LRBA: variants seen among roughly 807,000 people sequenced by gnomAD.
LRBA encodes the protein LPS responsive beige-like anchor protein, also known as lipopolysaccharide-responsive and beige-like anchor protein.
LRBA carries 176 observed loss-of-function variants against 330.0 expected under a neutral mutation model. That is an observed-to-expected ratio of 0.53 (90% CI 0.47 to 0.60). LRBA has a LOEUF of 0.60. Among genes scored for constraint, LRBA ranks in the 20% least tolerant of loss-of-function variants. The probability of loss-of-function intolerance (pLI) is 0.00; values close to 1 mark genes in which losing one functional copy is unlikely to be tolerated. For missense variants in LRBA, 3,259 were observed against 3,444.8 expected (o/e 0.95, Z 1.35); for synonymous variants, 1,230 against 1,193.0 (o/e 1.03, Z -0.64).
At chr4:150,747,147 A>G (rs1378437903) in intron 35 of LRBA, among the ~76,000 whole-genome samples, 2 of 152,182 alleles carry the variant, frequency 1.3e-5, no homozygotes, top group African/African-American at 4.8e-5. Flanking sequence ...ACACCCTGTT[A>G]CTGTACACTC....
intron 28 of LRBA, among the ~76,000 whole-genome samples, chr4:150,833,687 G>T (rs1747561931): frequency 6.6e-6 from 1 of 152,146 alleles, no homozygotes; most frequent in Non-Finnish European, 1.5e-5. Context: ...CTAGTGGAAG[G>T]TTGCATCTCC....
intron 34 of LRBA, among the ~76,000 whole-genome samples, chr4:150,787,884 C>T (rs1405488361): frequency 6.6e-6 from 1 of 152,148 alleles, no homozygotes; most frequent in African/African-American, 2.4e-5. Flanking sequence ...CTATTGTGAA[C>T]AGTGCTGCAA....
chr4:150,443,853 A>AAAAAAAAATATATAT (rs70941406), intron 44 of LRBA, among the ~76,000 whole-genome samples: 26 of 75,464 alleles, frequency 3.4e-4, no homozygotes, highest in Non-Finnish European at 6.0e-4. Flanking sequence ...TAATTAAAAA[A>AAAAAAAAATATATAT]ATATATATAT....
At chr4:150,476,480 A>C (rs1756719432) in intron 42 of LRBA, among the ~76,000 whole-genome samples, 1 of 152,036 alleles carries the variant, frequency 6.6e-6, no homozygotes, top group Admixed American at 6.6e-5. Context: ...ACAGAGGAGG[A>C]AGTGGTGCAG....
intron 40 of LRBA, among the ~76,000 whole-genome samples, chr4:150,508,825 A>G (rs1393058270): frequency 6.6e-6 from 1 of 152,196 alleles, no homozygotes; most frequent in African/African-American, 2.4e-5. Flanking sequence ...AAAAATCAAT[A>G]AAGATACAAA....
chr4:150,845,321 A>C (rs1749693310), intron 26 of LRBA, among the ~76,000 whole-genome samples: 1 of 152,166 alleles, frequency 6.6e-6, no homozygotes, highest in African/African-American at 2.4e-5. Flanking sequence ...CTTTTGAAAG[A>C]AGCTTTATAG....
chr4:150,999,775 C>T (rs909607131), intron 2 of LRBA, among the ~76,000 whole-genome samples: 6 of 151,788 alleles, frequency 4.0e-5, no homozygotes, highest in East Asian at 1.9e-4. Flanking sequence ...TTAATCCATA[C>T]GTTCTGGTAA....
chr4:150,530,615 T>C (rs1203873914), intron 40 of LRBA, among the ~76,000 whole-genome samples: 1 of 152,200 alleles, frequency 6.6e-6, no homozygotes, highest in African/African-American at 2.4e-5. Context: ...ATCTGGCAGC[T>C]GGCTTATAAG....
chr4:150,627,465 A>G lies in LRBA; in HGVS notation c.5922-28334T>C, dbSNP rs547931995. Among the ~76,000 whole-genome samples, 7 of 152,170 alleles carry G rather than the reference A, an allele frequency of 4.6e-5. No individual in the cohort carries two copies. In the South Asian group the frequency reaches 1.5e-3, roughly 32 times the overall value. On this transcript the variant is annotated intron_variant, in intron 37 of 56. Coordinates refer to ENST00000651943, the MANE Select transcript of LRBA (RefSeq NM_001364905.1). ...TTAATCTTGAAAATATTTTCTATAG[A>G]ACATCACTTGAATTTTGAATTATTT... is the stretch of plus-strand genomic sequence containing the variant.
chr4:151,015,298 G>A, upstream of LRBA: 1 of 152,958 alleles, frequency 6.5e-6, no homozygotes, highest in Non-Finnish European at 1.5e-5. Flanking sequence ...GGAAGGGGGC[G>A]GTGATTATTC....
At chr4:150,927,891 G>A (rs894719492) in intron 4 of LRBA, among the ~76,000 whole-genome samples, 2 of 152,184 alleles carry the variant, frequency 1.3e-5, no homozygotes, top group African/African-American at 4.8e-5. Flanking sequence ...GCTAGATTAA[G>A]GATCAGCTGG....
At chr4:150,975,793 G>GA (rs1440146309) in intron 2 of LRBA, among the ~76,000 whole-genome samples, 1 of 151,904 alleles carries the variant, frequency 6.6e-6, no homozygotes, top group Non-Finnish European at 1.5e-5. Flanking sequence ...AGGTAAGATT[G>GA]AAAAAAATGA....
At chr4:150,934,486 T>C (rs1416169555) in intron 2 of LRBA, among the ~76,000 whole-genome samples, 2 of 152,178 alleles carry the variant, frequency 1.3e-5, no homozygotes, top group Admixed American at 1.3e-4. Context: ...CCTGAGGAAA[T>C]AGTGGAACAG....
intron 28 of LRBA, among the ~76,000 whole-genome samples, chr4:150,834,981 A>G (rs576149070): frequency 2.6e-5 from 4 of 152,322 alleles, no homozygotes; most frequent in Admixed American, 2.0e-4. Flanking sequence ...TAATGCTTGT[A>G]TAAGGTGTAA....
At chr4:150,695,519 T>G (rs1036676807) in intron 36 of LRBA, among the ~76,000 whole-genome samples, 4 of 152,088 alleles carry the variant, frequency 2.6e-5, no homozygotes, top group Admixed American at 2.6e-4. Context: ...GGTCTCTCAG[T>G]GTTGGCCAGG....
At chr4:150,489,080 ATAT>A (rs1301839917) in intron 41 of LRBA, among the ~76,000 whole-genome samples, 4 of 67,214 alleles carry the variant, frequency 6.0e-5, no homozygotes, top group East Asian at 8.4e-4. Flanking sequence ...ATTATATATA[ATAT>A]TATATAAGAA....
chr4:150,615,125 G>C (rs1470494315), intron 37 of LRBA, among the ~76,000 whole-genome samples: 1 of 152,248 alleles, frequency 6.6e-6, no homozygotes, highest in Non-Finnish European at 1.5e-5. Context: ...GTAATGCAAA[G>C]GCCCTGAGGC....
At chr4:150,589,029 CTG>C (rs930473700) in intron 39 of LRBA, among the ~76,000 whole-genome samples, 37 of 139,282 alleles carry the variant, frequency 2.7e-4, no homozygotes, top group Middle Eastern at 3.7e-3. Context: ...TCTGTTATGT[CTG>C]TGTGTGTATA....
intron 36 of LRBA, among the ~76,000 whole-genome samples, chr4:150,705,170 A>C (rs1237414670): frequency 6.6e-6 from 1 of 152,150 alleles, no homozygotes; most frequent in Admixed American, 6.5e-5. Context: ...CTGATTCTTA[A>C]GAGCCGGTAA....
Sources: allele counts gnomAD v4.1 joint callset (sites outside exome capture counted in the v4.1 genomes callset), GRCh38; gene constraint gnomAD v4.1.1; transcripts MANE v1.5; gene names NCBI Gene and HGNC (gene_info 2026-07-23, HGNC 2026-07-21).